Variants in KCNH5 observed in about 807,000 individuals in gnomAD.
The protein encoded by KCNH5 is voltage-gated delayed rectifier potassium channel KCNH5.
In KCNH5, 46 loss-of-function variants were observed where a neutral mutation model predicts 96.1. The ratio of observed to expected loss-of-function variants is 0.48; its 90% CI spans 0.38 to 0.61. The LOEUF (loss-of-function observed/expected upper bound fraction) is 0.61. KCNH5 is among the 20% of genes least tolerant of loss of function. KCNH5 has a pLI of 0.00. For synonymous variants in KCNH5, 439 were observed against 449.8 expected, an observed-to-expected ratio of 0.98 and a Z score of 0.30; for missense variants, 907 against 1,225.8, an observed-to-expected ratio of 0.74 and a Z score of 3.88.
At chr14:62,946,343 A>G (rs1211574072) in intron 7 of KCNH5, among the ~76,000 whole-genome samples, 4 of 152,134 alleles carry the variant, frequency 2.6e-5, no homozygotes, top group Admixed American at 6.6e-5. Context: ...TAACTGTGCT[A>G]GTACATCCAC....
At chr14:62,863,925 T>C (rs1362591588) in intron 7 of KCNH5, among the ~76,000 whole-genome samples, 1 of 152,164 alleles carries the variant, frequency 6.6e-6, no homozygotes, top group Non-Finnish European at 1.5e-5. Context: ...TGGGCACCTC[T>C]TGAGTATACA....
chr14:62,918,625 C>T (rs540566206), intron 7 of KCNH5, among the ~76,000 whole-genome samples: 11 of 152,150 alleles, frequency 7.2e-5, no homozygotes, highest in African/African-American at 2.6e-4. Flanking sequence ...ATAATAAATA[C>T]ATTCAACCTC....
intron 7 of KCNH5, among the ~76,000 whole-genome samples, chr14:62,921,766 G>C (rs969586264): frequency 6.6e-6 from 1 of 152,078 alleles, no homozygotes; most frequent in Non-Finnish European, 1.5e-5. Flanking sequence ...GGGTTCACCA[G>C]CCTAGTTATG....
intron 6 of KCNH5, among the ~76,000 whole-genome samples, chr14:62,965,677 C>T (rs898329856): frequency 1.3e-5 from 2 of 152,142 alleles, no homozygotes; most frequent in Non-Finnish European, 2.9e-5. Context: ...AGAAGTCAAA[C>T]CAAATACACA....
At chr14:63,011,494 A>C (rs1231631439) in intron 2 of KCNH5, among the ~76,000 whole-genome samples, 1 of 151,748 alleles carries the variant, frequency 6.6e-6, no homozygotes, top group Non-Finnish European at 1.5e-5. Context: ...AAAAAAAAAG[A>C]AATACAGTTT....
intron 10 of KCNH5, among the ~76,000 whole-genome samples, chr14:62,744,390 G>A (rs1483720423): frequency 6.6e-6 from 1 of 152,142 alleles, no homozygotes; most frequent in African/African-American, 2.4e-5. Context: ...AGCTTCAGAA[G>A]TGTCAGATAT....
At chr14:62,826,666 A>C (rs1887234299) in intron 8 of KCNH5, among the ~76,000 whole-genome samples, 1 of 151,996 alleles carries the variant, frequency 6.6e-6, no homozygotes, top group Admixed American at 6.6e-5. Flanking sequence ...TTGTATTAAA[A>C]CTTACCTACA....
intron 10 of KCNH5, among the ~76,000 whole-genome samples, chr14:62,732,453 C>T (rs1040950487): frequency 4.0e-5 from 6 of 151,744 alleles, no homozygotes; most frequent in African/African-American, 7.3e-5. Context: ...TCACTTACCT[C>T]GGCTTTTAGC....
At chr14:63,031,125 TA>T (rs906915738) in intron 1 of KCNH5, among the ~76,000 whole-genome samples, 4 of 151,650 alleles carry the variant, frequency 2.6e-5, no homozygotes, top group African/African-American at 9.7e-5. Flanking sequence ...GAGTATCTAG[TA>T]GGGGGAAAAG....
chr14:62,917,245 C>A (rs1001244404), intron 7 of KCNH5, among the ~76,000 whole-genome samples: 1 of 151,904 alleles, frequency 6.6e-6, no homozygotes, highest in Non-Finnish European at 1.5e-5. Context: ...TTTATTTTTA[C>A]GAGACTGAGC....
chr14:62,740,452 C>A (rs896291262), intron 10 of KCNH5, among the ~76,000 whole-genome samples: 1 of 152,082 alleles, frequency 6.6e-6, no homozygotes, highest in Admixed American at 6.6e-5. Flanking sequence ...GCTGTCCAGC[C>A]CCTGCCCCAT....
chr14:62,714,794 C>A (rs935094908), intron 10 of KCNH5, among the ~76,000 whole-genome samples: 2 of 152,072 alleles, frequency 1.3e-5, no homozygotes, highest in Non-Finnish European at 2.9e-5. Context: ...TGGTTTTATT[C>A]TCAGTATTAA....
intron 1 of KCNH5, among the ~76,000 whole-genome samples, chr14:63,030,776 C>G (rs74568073): frequency 0.012 from 1,758 of 152,258 alleles, 27 homozygotes; most frequent in African/African-American, 0.03. Context: ...ATCTTGTCAC[C>G]AGTGTCAAAA....
intron 8 of KCNH5, among the ~76,000 whole-genome samples, chr14:62,803,817 C>T (rs1027324103): frequency 1.3e-5 from 2 of 152,106 alleles, no homozygotes; most frequent in Non-Finnish European, 1.5e-5. Context: ...ATTTAGAATC[C>T]TCCTCAAACC....
Position 62,916,098 on chromosome 14 carries a change from G to A in KCNH5, c.1369+34035C>T, listed in dbSNP as rs192573100. Among the ~76,000 whole-genome samples, 9 of 151,146 alleles carry A rather than the reference G, an allele frequency of 6.0e-5. No homozygotes were observed. The South Asian group carries it at 6.3e-4, about 11-fold the overall frequency. ...CTCCCGAGTAGCTGGGACTACAGGC[G>A]CCCGCCACTACGCCCGGCTAATTTT... is the stretch of plus-strand genomic sequence containing the variant. On this transcript the variant is annotated intron_variant, in intron 7 of 10. Transcript: ENST00000322893.
At chr14:62,768,988 T>C (rs1477881629) in intron 10 of KCNH5, among the ~76,000 whole-genome samples, 1 of 152,220 alleles carries the variant, frequency 6.6e-6, no homozygotes, top group Non-Finnish European at 1.5e-5. Flanking sequence ...AAAGACTCCA[T>C]AATTAGGCCT....
At chr14:62,855,581 ACGTT>A (rs1361656094) in intron 7 of KCNH5, among the ~76,000 whole-genome samples, 1 of 152,238 alleles carries the variant, frequency 6.6e-6, no homozygotes, top group East Asian at 1.9e-4. Flanking sequence ...GATCAATTTA[ACGTT>A]AATAACACAG....
chr14:62,819,980 A>G (rs1412717535), intron 8 of KCNH5, among the ~76,000 whole-genome samples: 2 of 152,218 alleles, frequency 1.3e-5, no homozygotes, highest in African/African-American at 4.8e-5. Context: ...TTTAACAACT[A>G]CATGGGCCTG....
chr14:62,870,207 T>A (rs1888225291), intron 7 of KCNH5, among the ~76,000 whole-genome samples: 2 of 152,204 alleles, frequency 1.3e-5, no homozygotes, highest in Non-Finnish European at 2.9e-5. Flanking sequence ...CAAATTAGCC[T>A]CCACTGGTTT....
Sources: gnomAD v4.1 joint callset for allele counts (sites outside exome capture counted in the v4.1 genomes callset) on GRCh38, gnomAD v4.1.1 for gene constraint, MANE v1.5 for transcripts, NCBI Gene and HGNC (gene_info 2026-07-23, HGNC 2026-07-21) for gene names.